The following EOMES variants were observed in gnomAD, a reference collection of about 807,000 sequenced individuals.
EOMES encodes the protein eomesodermin homolog.
In EOMES, 18 loss-of-function variants were observed where a neutral mutation model predicts 61.0. The observed-to-expected ratio is 0.30, with a 90% CI of 0.20 to 0.44. The LOEUF (loss-of-function observed/expected upper bound fraction) is 0.44. Ranked by LOEUF, EOMES falls within the 20% of genes least tolerant of loss-of-function variation. EOMES has a pLI of 1.00. For missense variants in EOMES, 885 were observed against 939.2 expected (o/e 0.94, Z 0.75); for synonymous variants, 430 against 394.0 (o/e 1.09, Z -1.08).
Position 27,721,472 on chromosome 3 carries a change from G to A in EOMES, c.823C>T (p.Pro275Ser), listed in dbSNP as rs1576805391. 3.1e-6 allele frequency: 5 copies of A among 1,613,634 alleles called. No individual in the cohort carries two copies. In the East Asian group the frequency reaches 1.1e-4, roughly 36 times the overall value. ...FRAHVYLCNR[P>S]LWLKFHRHQT... The stretch of plus-strand genomic sequence containing the variant: ...TGGCGGTGGAATTTGAGCCACAGAG[G>A]CCGGTTGCACAGGTAGACGTGGGCA... The change falls in exon 1 of 6, where the codon CCT becomes TCT. Residue 275 changes from proline to serine, a missense_variant. By Grantham distance (74) the Pro-to-Ser change is moderately conservative (BLOSUM62 -1). Coordinates refer to ENST00000449599, the MANE Select transcript of EOMES (RefSeq NM_001278182.2). This position sits in a 1 kb window ranked among gnomAD's most constrained non-coding sequence, Gnocchi z 7.4.
chr3:27,721,429 A>G lies in EOMES; in HGVS notation c.866T>C (p.Ile289Thr). ...CTGCGCTCACCTGCCCTGTTTCGTA[A>G]TGATCATCTCAGTTTGGTGGCGGTG... ...KFHRHQTEMI[I>T]TKQGRRMFPF... Residue 289 changes from isoleucine (I) to threonine (T), a missense_variant, in exon 1 of 6, where the codon ATT becomes ACT. Physicochemically the swap from Ile to Thr is moderately conservative, Grantham distance 89. Around this residue, in one of 3 missense-constraint regions of EOMES, gnomAD observed 177 missense variants for 273.3 expected, o/e 0.65. Transcript: ENST00000449599. This position sits in a 1 kb window ranked among gnomAD's most constrained non-coding sequence, Gnocchi z 7.4. 1 of 1,612,652 alleles carries G rather than the reference A, an allele frequency of 6.2e-7. No individual in the cohort carries two copies. Among genetic ancestry groups the G allele is most frequent in the Non-Finnish European group, 8.5e-7 (1 of 1,179,584 alleles).
At position 27,717,043 on chromosome 3, in the gene EOMES, G is replaced by A. The variant is rs771984872; in HGVS notation, c.*27C>T. 1 of 1,558,168 alleles carries A rather than the reference G, an allele frequency of 6.4e-7. No individual in the cohort carries two copies. The highest frequency in any genetic ancestry group is 1.9e-5 in the Admixed American group (1 of 53,962). ...CACCAAGTCCATCTGCAAAAAGTTA[G>A]CTAATTTTTGAGGTTAAAATAACTC... On this transcript the variant is annotated 3_prime_UTR_variant, in exon 6 of 6. Coordinates refer to ENST00000449599, the MANE Select transcript of EOMES (RefSeq NM_001278182.2). The surrounding 1 kb of genome is among the most constrained non-coding windows in gnomAD (Gnocchi z 4.5).
rs867912203 is a variant in EOMES at position 27,715,956 on chromosome 3, C to T, written c.*1114G>A. On this transcript the variant is annotated 3_prime_UTR_variant, in exon 6 of 6. Transcript: ENST00000449599. Reference sequence around the variant, plus strand: ...ACAGAAGACAGAGCTATGTCCGTTCCCTTACTGAACCACATTTATTAAAAA... The same window carrying T: ...ACAGAAGACAGAGCTATGTCCGTTCTCTTACTGAACCACATTTATTAAAAA... 1.3e-5 allele frequency: 2 copies of T among 151,982 alleles called. No homozygotes were observed. The highest frequency in any genetic ancestry group is 2.9e-5 in the Non-Finnish European group (2 of 68,028). The allele number at this position is 151,982 out of a possible 1,614,324, so 9.4% of individuals were successfully genotyped here.
chr3:27,717,893 C>T lies in EOMES; in HGVS notation c.1380-85G>A. 9.5e-7 allele frequency: 1 copy of T among 1,048,498 alleles called. No homozygotes were observed. The highest frequency in any genetic ancestry group is 1.6e-5 in the African/African-American group (1 of 61,868). 64.9% of individuals were successfully genotyped at this position (1,048,498 alleles called of 1,614,324 possible). A position where few individuals can be genotyped will look rare whatever the true frequency, so the allele number is the denominator to read the frequency against. On this transcript the variant is annotated intron_variant, in intron 5 of 5. Coordinates refer to ENST00000449599, the MANE Select transcript of EOMES (RefSeq NM_001278182.2). The surrounding 1 kb of genome is among the most constrained non-coding windows in gnomAD (Gnocchi z 4.5). The stretch of plus-strand genomic sequence containing the variant: ...AACCACCTCCCAGAAATGAAAAAGG[C>T]TTGTGTTGGTTATCTACACCGAAAG...
chr3:27,719,555 T>C, intron 2 of EOMES, 74 bp from the exon 3 acceptor site: 2 of 1,386,130 alleles, frequency 1.4e-6, no homozygotes, highest in Non-Finnish European at 2.0e-6. Context: ...CGGAGGGATG[T>C]CTCTTAGCTA....
chr3:27,722,453 G>T, upstream of EOMES: 1 of 1,365,434 alleles, frequency 7.3e-7, no homozygotes, highest in South Asian at 1.8e-5. Context: ...GGCCGCTACT[G>T]CGCGTACTGG....
chr3:27,717,176 T>A lies in EOMES; in HGVS notation c.2012A>T (p.Asn671Ile). 1 of 1,613,958 alleles carries A rather than the reference T, an allele frequency of 6.2e-7. No homozygotes were observed. Among genetic ancestry groups the A allele is most frequent in the Non-Finnish European group, 8.5e-7 (1 of 1,179,792 alleles). ...ACACTTTATGGAGGGTGAATTTTCA[T>A]TACTGGAGTTGCTAGGAGACAGCCG... ...RRRLSPSNSSNENSPSIKCED... is the reference protein window; with the variant it reads ...RRRLSPSNSSIENSPSIKCED... The change falls in exon 6 of 6, where the codon AAT becomes ATT. Residue 671 changes from asparagine (N) to isoleucine (I), a missense_variant. Transcript: ENST00000449599. The surrounding 1 kb of genome is among the most constrained non-coding windows in gnomAD (Gnocchi z 4.5).
chr3:27,722,223 A>C lies in EOMES; in HGVS notation c.72T>G (p.Ser24Arg). Residue 24 changes from serine (S) to arginine (R), a missense_variant, in exon 1 of 6, where the codon AGT (serine) becomes AGG (arginine). Physicochemically the swap from Ser to Arg is moderately radical, Grantham distance 110. Coordinates refer to ENST00000449599, the MANE Select transcript of EOMES (RefSeq NM_001278182.2). ...LPGAHFYPLE[S>R]ARGGSGGSAG... is the part of the protein sequence containing the mutation. ...CGCTCCCGCCGCTGCCGCCTCGCGC[A>C]CTCTCCAGCGGGTAGAAGTGCGCGC... 6.2e-7 allele frequency: 1 copy of C among 1,604,842 alleles called. No homozygotes were observed. The highest frequency in any genetic ancestry group is 8.5e-7 in the Non-Finnish European group (1 of 1,176,688).
Position 27,721,806 on chromosome 3 carries a change from G to C in EOMES, c.489C>G (p.Phe163Leu). Residue 163 changes from phenylalanine to leucine, a missense_variant, in exon 1 of 6, where the codon TTC becomes TTG. Physicochemically the swap from Phe to Leu is conservative, Grantham distance 22. This residue lies in a region of EOMES where 449 missense variants were observed against 383.6 expected (regional missense o/e 1.17). Transcript: ENST00000449599. This position sits in a 1 kb window ranked among gnomAD's most constrained non-coding sequence, Gnocchi z 7.4. ...GCGCCCCAGCCGCCGCCTGGTACGG[G>C]AAGAGTGAGCAGGGCGCAGCCAGCT... ...GSELAAPCSL[F>L]PYQAAAGAPH... 2.0e-6 allele frequency: 3 copies of C among 1,509,028 alleles called. No homozygotes were observed. The highest frequency in any genetic ancestry group is 2.6e-5 in the East Asian group (1 of 38,264). The allele number at this position is 1,509,028 out of a possible 1,614,324, so 93.5% of individuals were successfully genotyped here.
rs766877132 is a variant in EOMES, at chr3:27,720,296, A to G, written c.911T>C (p.Ile304Thr). 2.5e-6 allele frequency: 4 copies of G among 1,614,028 alleles called. No homozygotes were observed. The East Asian group carries it at 6.7e-5, about 27-fold the overall frequency. The change falls in exon 2 of 6, where the codon ATA (isoleucine) becomes ACA (threonine). Residue 304 changes from isoleucine (I) to threonine (T), a missense_variant. This residue lies in a region of EOMES where 177 missense variants were observed against 273.3 expected (regional missense o/e 0.65). Coordinates refer to ENST00000449599, the MANE Select transcript of EOMES (RefSeq NM_001278182.2). ...GTGGGCAGTGGGATTGAGTCCGTTT[A>G]TGTTGAAGCTCAAGAAAGGAAACAT... ...RRMFPFLSFN[I>T]NGLNPTAHYN...
In EOMES at chr3:27,721,931, C is replaced by CGGT; in HGVS notation, c.363_364insACC (p.Ala121_Ala122insThr). ...GCCGCAGCCGCGGCGGCGGCGGCGG[C>CGGT]GGCGGCTGCAGCGGCGGAGGGCAGC... On this transcript the variant is annotated inframe_insertion, in exon 1 of 6. Coordinates refer to ENST00000449599, the MANE Select transcript of EOMES (RefSeq NM_001278182.2). The surrounding 1 kb of genome is among the most constrained non-coding windows in gnomAD (Gnocchi z 7.4). The CGGT allele has an allele frequency of 2.9e-6, 4 of 1,369,494 alleles. No individual in the cohort carries two copies. The highest frequency in any genetic ancestry group is 2.0e-5 in the South Asian group (1 of 49,202). 84.8% of individuals were successfully genotyped at this position (1,369,494 alleles called of 1,614,324 possible).
rs745468176 is a variant in EOMES, at chr3:27,721,820, G to A, written c.475C>T (p.Pro159Ser). 6.6e-7 allele frequency: 1 copy of A among 1,515,708 alleles called. No homozygotes were observed. The highest frequency in any genetic ancestry group is 8.8e-7 in the Non-Finnish European group (1 of 1,140,858). 93.9% of individuals were successfully genotyped at this position (1,515,708 alleles called of 1,614,324 possible). A position where few individuals can be genotyped will look rare whatever the true frequency, so the allele number is the denominator to read the frequency against. Residue 159 changes from proline (P) to serine (S), a missense_variant, in exon 1 of 6, where the codon CCC becomes TCC. Pro to Ser is a moderately conservative substitution (Grantham distance 74, BLOSUM62 -1). Transcript: ENST00000449599. This position sits in a 1 kb window ranked among gnomAD's most constrained non-coding sequence, Gnocchi z 7.4. ...PGPQGSELAA[P>S]CSLFPYQAAA... is the part of the protein sequence containing the mutation. ...GCCTGGTACGGGAAGAGTGAGCAGG[G>A]CGCAGCCAGCTCCGACCCCTGAGGA...
At position 27,721,531 on chromosome 3, in the gene EOMES, A is replaced by C. The variant is rs546003584; in HGVS notation, c.764T>G (p.Leu255Arg). ...AGAACCTGGAACCCCCAGGCCCCCC[A>C]GTCCTCCGCAAGATCCCGCCGCTGC... ...GAAAAGSCGG[L>R]GGLGVPGSGF... Residue 255 changes from leucine (L) to arginine (R), a missense_variant, in exon 1 of 6, where the codon CTG (leucine) becomes CGG (arginine). Physicochemically the swap from Leu to Arg is moderately radical, Grantham distance 102 (BLOSUM62 -2). Transcript: ENST00000449599. This position sits in a 1 kb window ranked among gnomAD's most constrained non-coding sequence, Gnocchi z 7.4. 16 of 1,610,008 alleles carry C rather than the reference A, an allele frequency of 9.9e-6. No homozygotes were observed. In the African/African-American group the frequency reaches 2.1e-4, roughly 21 times the overall value.
Position 27,721,819 on chromosome 3 carries a change from G to C in EOMES, c.476C>G (p.Pro159Arg). Reference protein sequence around the residue: ...PGPQGSELAAPCSLFPYQAAA... With the variant: ...PGPQGSELAARCSLFPYQAAA... The stretch of plus-strand genomic sequence containing the variant: ...CGCCTGGTACGGGAAGAGTGAGCAG[G>C]GCGCAGCCAGCTCCGACCCCTGAGG... The change falls in exon 1 of 6, where the codon CCC (proline) becomes CGC (arginine). Residue 159 changes from proline to arginine, a missense_variant. Physicochemically the swap from Pro to Arg is moderately radical, Grantham distance 103. This residue lies in a region of EOMES where 449 missense variants were observed against 383.6 expected (regional missense o/e 1.17). Transcript: ENST00000449599. The surrounding 1 kb of genome is among the most constrained non-coding windows in gnomAD (Gnocchi z 7.4). 1 of 1,515,664 alleles carries C rather than the reference G, an allele frequency of 6.6e-7. No homozygotes were observed. The highest frequency in any genetic ancestry group is 8.8e-7 in the Non-Finnish European group (1 of 1,140,976). The allele number at this position is 1,515,664 out of a possible 1,614,324, so 93.9% of individuals were successfully genotyped here. A position where few individuals can be genotyped will look rare whatever the true frequency, so the allele number is the denominator to read the frequency against.
Position 27,717,944 on chromosome 3 carries a change from A to G in EOMES, c.1380-136T>C. 1 of 649,282 alleles carries G rather than the reference A, an allele frequency of 1.5e-6. No individual in the cohort carries two copies. The allele number at this position is 649,282 out of a possible 1,614,324, so 40.2% of individuals were successfully genotyped here. A position where few individuals can be genotyped will look rare whatever the true frequency, so the allele number is the denominator to read the frequency against. The stretch of plus-strand genomic sequence containing the variant: ...TGCTGGTCTGTTGGGCTGAAAGAAC[A>G]GAGGCAGGAGATGCACTGGCCCATT... On this transcript the variant is annotated intron_variant, in intron 5 of 5. Transcript: ENST00000449599. This position sits in a 1 kb window ranked among gnomAD's most constrained non-coding sequence, Gnocchi z 4.5.
At position 27,717,664 on chromosome 3, in the gene EOMES, A is replaced by G; in HGVS notation, c.1524T>C (p.Tyr508=). 6.2e-7 allele frequency: 1 copy of G among 1,614,120 alleles called. No homozygotes were observed. The highest frequency in any genetic ancestry group is 8.5e-7 in the Non-Finnish European group (1 of 1,180,026). Residue 508 remains tyrosine (Y), a synonymous_variant, in exon 6 of 6, where the codon TAT becomes TAC. Transcript: ENST00000449599. This position sits in a 1 kb window ranked among gnomAD's most constrained non-coding sequence, Gnocchi z 4.5. ...PFVNTLPQAR[Y]YNGERTVPQT... is the part of the protein sequence containing the mutation. ...GTGGCACGGTTCTCTCGCCATTATA[A>G]TAGCGGGCTTGAGGTAAAGTGTTGA...
chr3:27,720,451 C>T, intron 1 of EOMES, 126 bp from the exon 2 acceptor site: 1 of 567,852 alleles, frequency 1.8e-6, no homozygotes, highest in Non-Finnish European at 3.1e-6. Flanking sequence ...TTGCAGTGAA[C>T]AGAATGCTGG....
intron 5 of EOMES, among the ~76,000 whole-genome samples, chr3:27,718,256 G>C (rs2060584576): frequency 6.6e-6 from 1 of 151,832 alleles, no homozygotes; most frequent in African/African-American, 2.4e-5. Context: ...GTGGGGGAGA[G>C]TAATAATATC....
rs1270177894 is a variant in EOMES at position 27,721,929 on chromosome 3, GGCGGCGGCTGCA to G, written c.354_365del (p.Ala127_Ala130del). The G allele has an allele frequency of 7.3e-7, 1 of 1,367,724 alleles. No homozygotes were observed. Among genetic ancestry groups the G allele is most frequent in the Non-Finnish European group, 9.3e-7 (1 of 1,073,284 alleles). The allele number at this position is 1,367,724 out of a possible 1,614,324, so 84.7% of individuals were successfully genotyped here. A position where few individuals can be genotyped will look rare whatever the true frequency, so the allele number is the denominator to read the frequency against. ...TGGCCGCAGCCGCGGCGGCGGCGGC[GGCGGCGGCTGCA>G]GCGGCGGAGGGCAGCTCCTCCTCCC... is the stretch of plus-strand genomic sequence containing the variant. On this transcript the variant is annotated inframe_deletion, in exon 1 of 6. Transcript: ENST00000449599. This position sits in a 1 kb window ranked among gnomAD's most constrained non-coding sequence, Gnocchi z 7.4.
Sources: allele counts gnomAD v4.1 joint callset (sites outside exome capture counted in the v4.1 genomes callset), GRCh38; gene constraint gnomAD v4.1.1; regional missense constraint gnomAD v4.1.1; non-coding constraint Gnocchi (gnomAD v3.1); transcripts MANE v1.5; gene names NCBI Gene and HGNC (gene_info 2026-07-23, HGNC 2026-07-21).